Variants in CDH20 observed in about 807,000 individuals in gnomAD.
The protein encoded by CDH20 is cadherin 20, also known as cadherin-20.
A neutral mutation model predicts 74.2 loss-of-function variants in CDH20; 29 were observed. The ratio of observed to expected loss-of-function variants is 0.39; its 90% CI spans 0.29 to 0.53. The LOEUF is 0.53. Ranked by LOEUF, CDH20 falls within the 20% of genes least tolerant of loss-of-function variation. CDH20 has a pLI of 0.69. For missense variants in CDH20, 988 were observed against 1,048.3 expected (o/e 0.94, Z 0.79); for synonymous variants, 469 against 405.4 (o/e 1.16, Z -1.88).
chr18:61,379,827 C>T (rs575347441), intron 1 of CDH20, among the ~76,000 whole-genome samples: 28 of 152,170 alleles, frequency 1.8e-4, no homozygotes, highest in Non-Finnish European at 3.8e-4. Flanking sequence ...AGAAACCTGT[C>T]AAGAGGAGGA....
chr18:61,511,115 T>G (rs1911766806), intron 6 of CDH20, among the ~76,000 whole-genome samples: 1 of 137,238 alleles, frequency 7.3e-6, no homozygotes, highest in African/African-American at 2.7e-5. Flanking sequence ...CCATCCTAAC[T>G]AGCTGGGACT....
intron 1 of CDH20, among the ~76,000 whole-genome samples, chr18:61,366,423 G>A (rs1447679577): frequency 1.3e-5 from 2 of 152,060 alleles, no homozygotes; most frequent in Non-Finnish European, 2.9e-5. Context: ...ACATAGTTAA[G>A]AAAATTTAAA....
At chr18:61,425,486 T>C (rs537357925) in intron 1 of CDH20, among the ~76,000 whole-genome samples, 1 of 152,136 alleles carries the variant, frequency 6.6e-6, no homozygotes, top group Non-Finnish European at 1.5e-5. Context: ...AAGGTAACCA[T>C]AGCAAAGGCC....
At chr18:61,406,839 ACAT>A (rs1156234581) in intron 1 of CDH20, among the ~76,000 whole-genome samples, 1 of 152,008 alleles carries the variant, frequency 6.6e-6, no homozygotes, top group Non-Finnish European at 1.5e-5. Context: ...TGTTGGGGAA[ACAT>A]CATTAAAAAC....
chr18:61,399,135 C>G (rs977454715), intron 1 of CDH20, among the ~76,000 whole-genome samples: 4 of 152,186 alleles, frequency 2.6e-5, no homozygotes, highest in African/African-American at 7.2e-5. Flanking sequence ...AAGTCAGACA[C>G]ATTTTGCAGT....
At chr18:61,532,789 T>C (rs1912692771) in intron 7 of CDH20, among the ~76,000 whole-genome samples, 1 of 152,218 alleles carries the variant, frequency 6.6e-6, no homozygotes, top group African/African-American at 2.4e-5. Flanking sequence ...TCTACAACGT[T>C]AAGATATGGA....
At chr18:61,493,277 T>C (rs747895423) in intron 2 of CDH20, among the ~76,000 whole-genome samples, 1 of 152,148 alleles carries the variant, frequency 6.6e-6, no homozygotes, top group Non-Finnish European at 1.5e-5. Context: ...GTCATGACCA[T>C]GATCCTTTGC....
At chr18:61,376,010 C>T (rs56168691) in intron 1 of CDH20, among the ~76,000 whole-genome samples, 36,819 of 151,890 alleles carry the variant, frequency 0.24, 5,115 homozygotes, top group East Asian at 0.56. Flanking sequence ...CTAATAGTAA[C>T]CTAATAGTAC....
At chr18:61,360,578 T>C (rs539873519) in intron 1 of CDH20, among the ~76,000 whole-genome samples, 1 of 152,320 alleles carries the variant, frequency 6.6e-6, no homozygotes, top group Admixed American at 6.5e-5. Context: ...GCAGTTAGAC[T>C]GTGCAAAGCA....
chr18:61,352,516 TACTA>T (rs2144115161), intron 1 of CDH20, among the ~76,000 whole-genome samples: 1 of 152,318 alleles, frequency 6.6e-6, no homozygotes, highest in South Asian at 2.1e-4. Flanking sequence ...ACATTTGTTG[TACTA>T]ATTATTACAG....
chr18:61,347,695 G>A (rs1910176268), intron 1 of CDH20, among the ~76,000 whole-genome samples: 1 of 152,150 alleles, frequency 6.6e-6, no homozygotes, highest in Non-Finnish European at 1.5e-5. Flanking sequence ...AATTAAGGAT[G>A]TGTTGTCAAT....
intron 1 of CDH20, among the ~76,000 whole-genome samples, chr18:61,375,362 T>C (rs564235937): frequency 1.3e-5 from 2 of 152,330 alleles, no homozygotes; most frequent in South Asian, 4.1e-4. Context: ...CCACAGACCC[T>C]ACAAATTTCT....
intron 1 of CDH20, among the ~76,000 whole-genome samples, chr18:61,474,019 T>A (rs957859798): frequency 7.9e-5 from 12 of 152,294 alleles, no homozygotes; most frequent in Non-Finnish European, 1.6e-4. Flanking sequence ...AAATCAGCAT[T>A]TTAAAACACC....
In CDH20 at chr18:61,554,667, C is replaced by G; in HGVS notation, c.2378C>G (p.Ala793Gly). The G allele has an allele frequency of 6.3e-7, 1 of 1,586,114 alleles. No individual in the cohort carries two copies. Among genetic ancestry groups the G allele is most frequent in the Non-Finnish European group, 8.6e-7 (1 of 1,166,032 alleles). ...RFRKLAELYG[A>G]SEGPAPLW is the part of the protein sequence containing the mutation. ...CGGAAGCTGGCCGAGCTCTACGGGG[C>G]GTCGGAGGGACCCGCGCCGCTGTGG... Residue 793 changes from alanine to glycine, a missense_variant, in exon 12 of 12, where the codon GCG becomes GGG. Physicochemically the swap from Ala to Gly is moderately conservative, Grantham distance 60. This residue lies in a region of CDH20 where 375 missense variants were observed against 293.1 expected (regional missense o/e 1.28). Coordinates refer to ENST00000262717, the MANE Select transcript of CDH20 (RefSeq NM_031891.4).
chr18:61,355,258 C>T (rs1051744317), intron 1 of CDH20, among the ~76,000 whole-genome samples: 1 of 151,938 alleles, frequency 6.6e-6, no homozygotes, highest in Non-Finnish European at 1.5e-5. Flanking sequence ...ACCAATGTAG[C>T]TTTTTTTTCT....
intron 1 of CDH20, among the ~76,000 whole-genome samples, chr18:61,373,004 A>C (rs1911094312): frequency 6.6e-6 from 1 of 152,114 alleles, no homozygotes; most frequent in East Asian, 1.9e-4. Flanking sequence ...TGAATGGACA[A>C]GTACAAGAAT....
intron 1 of CDH20, among the ~76,000 whole-genome samples, chr18:61,457,495 G>A (rs753456630): frequency 1.3e-5 from 2 of 152,036 alleles, no homozygotes; most frequent in Non-Finnish European, 2.9e-5. Context: ...GGTGGCAGAG[G>A]CACTCCCTAC....
intron 1 of CDH20, among the ~76,000 whole-genome samples, chr18:61,481,567 T>A (rs1398562980): frequency 6.6e-6 from 1 of 152,160 alleles, no homozygotes. Context: ...TAAACATCAG[T>A]GAGATTTTTG....
At chr18:61,413,034 A>G (rs547633864) in intron 1 of CDH20, among the ~76,000 whole-genome samples, 1 of 152,344 alleles carries the variant, frequency 6.6e-6, no homozygotes, top group East Asian at 1.9e-4. Context: ...TGAAGTCAGG[A>G]GACGGAGACG....
Sources: gnomAD v4.1 joint callset for allele counts (sites outside exome capture counted in the v4.1 genomes callset) on GRCh38, gnomAD v4.1.1 for gene constraint, gnomAD v4.1.1 regional missense constraint, MANE v1.5 for transcripts, NCBI Gene and HGNC (gene_info 2026-07-23, HGNC 2026-07-21) for gene names.